ZNF678: variants seen among roughly 807,000 people sequenced by gnomAD.
The protein encoded by ZNF678 is hypothetical protein MGC42493.
In ZNF678, 5 loss-of-function variants were observed where a neutral mutation model predicts 3.0. The ratio of observed to expected loss-of-function variants is 1.69; its 90% CI spans 0.88 to 3.56. The LOEUF (loss-of-function observed/expected upper bound fraction) is 3.56. Ranked by LOEUF, ZNF678 falls within the 30% of genes most tolerant of loss-of-function variation. The probability of loss-of-function intolerance (pLI) is 0.00; values close to 1 mark genes in which losing one functional copy is unlikely to be tolerated. For missense variants in ZNF678, 593 were observed against 605.0 expected, an observed-to-expected ratio of 0.98 and a Z score of 0.21; for synonymous variants, 218 against 199.6, an observed-to-expected ratio of 1.09 and a Z score of -0.78.
At chr1:227,620,465 T>A (rs898851910) in intron 1 of ZNF678, among the ~76,000 whole-genome samples, 1 of 152,254 alleles carries the variant, frequency 6.6e-6, no homozygotes, top group Non-Finnish European at 1.5e-5. Context: ...CTTAAGGGAC[T>A]TGCGTTGTTT....
chr1:227,651,296 G>T (rs552130622), intron 3 of ZNF678, among the ~76,000 whole-genome samples: 7 of 152,076 alleles, frequency 4.6e-5, no homozygotes, highest in Non-Finnish European at 7.4e-5. Flanking sequence ...CAGACACTTG[G>T]CCTAATACCA....
In ZNF678 at chr1:227,638,642, C is replaced by T. The variant is rs369661860; in HGVS notation, c.-163-7902C>T. Reference sequence around the variant, plus strand: ...GAGGAGTAGAAGAAAGTTAGAAGTACCACAGGGGTCTAGGTGGATGTCTTG... The same window carrying T: ...GAGGAGTAGAAGAAAGTTAGAAGTATCACAGGGGTCTAGGTGGATGTCTTG... On this transcript the variant is annotated intron_variant, in intron 1 of 3. Coordinates refer to ENST00000343776, the MANE Select transcript of ZNF678 (RefSeq NM_001367909.1). This position sits in a 1 kb window ranked among gnomAD's most constrained non-coding sequence, Gnocchi z 4.2. 6.6e-6 allele frequency among the ~76,000 whole-genome samples: 1 copy of T among 151,930 alleles called. No homozygotes were observed. The highest frequency in any genetic ancestry group is 1.9e-4 in the East Asian group (1 of 5,176).
At chr1:227,595,176 T>C (rs1326599391) in intron 1 of ZNF678, among the ~76,000 whole-genome samples, 1 of 151,410 alleles carries the variant, frequency 6.6e-6, no homozygotes, top group African/African-American at 2.4e-5. Flanking sequence ...TCTTAGCTAC[T>C]TGTATATATC....
At chr1:227,585,368 C>T (rs1268016944) in intron 1 of ZNF678, among the ~76,000 whole-genome samples, 2 of 152,266 alleles carry the variant, frequency 1.3e-5, no homozygotes, top group East Asian at 1.9e-4. Flanking sequence ...TAATACATAT[C>T]TATGAACCTT....
Position 227,657,292 on chromosome 1 carries a change from G to A in ZNF678, c.*1464G>A, listed in dbSNP as rs1659275487. 6.6e-6 allele frequency: 1 copy of A among 151,852 alleles called. No homozygotes were observed. The highest frequency in any genetic ancestry group is 1.5e-5 in the Non-Finnish European group (1 of 67,888). The allele number at this position is 151,852 out of a possible 1,614,324, so 9.4% of individuals were successfully genotyped here. ...TTTATTATGCATAAAAGCTTCCTGA[G>A]GCCTCATCAGAAGTTAAGCAGATGT... On this transcript the variant is annotated 3_prime_UTR_variant, in exon 4 of 4. Coordinates refer to ENST00000343776, the MANE Select transcript of ZNF678 (RefSeq NM_001367909.1).
intron 1 of ZNF678, among the ~76,000 whole-genome samples, chr1:227,623,964 A>T (rs1163843617): frequency 3.3e-5 from 5 of 152,152 alleles, no homozygotes; most frequent in Non-Finnish European, 1.5e-5. Context: ...ATGTTTCCTA[A>T]CTTTTATTAA....
chr1:227,617,500 A>G (rs887600703), intron 1 of ZNF678, among the ~76,000 whole-genome samples: 4 of 152,200 alleles, frequency 2.6e-5, no homozygotes, highest in African/African-American at 9.6e-5. Flanking sequence ...CAATATGCCT[A>G]TACCACCCCA....
chr1:227,597,286 G>T lies in ZNF678; in HGVS notation c.-164+33562G>T, dbSNP rs1449743333. Among the ~76,000 whole-genome samples, 3 of 152,356 alleles carry T rather than the reference G, an allele frequency of 2.0e-5. No homozygotes were observed. In the East Asian group the frequency reaches 5.8e-4, roughly 29 times the overall value. ...TAAGAAGGCGTTTAAGTGGTTTTCT[G>T]CCCTGGGTGGGCCAGGTGTTCCTTG... On this transcript the variant is annotated intron_variant, in intron 1 of 3. Transcript: ENST00000343776.
intron 1 of ZNF678, among the ~76,000 whole-genome samples, chr1:227,611,082 C>T (rs970429526): frequency 1.3e-5 from 2 of 152,184 alleles, no homozygotes; most frequent in Non-Finnish European, 2.9e-5. Context: ...TAGAGAAATT[C>T]AGGTGCAGTT....
chr1:227,667,159 T>C (rs1051079335), downstream of ZNF678, among the ~76,000 whole-genome samples: 13 of 151,866 alleles, frequency 8.6e-5, no homozygotes, highest in Admixed American at 6.6e-5. Context: ...TCCTCCTTCC[T>C]CAGCCCCCCA....
In ZNF678 at chr1:227,661,425, T is replaced by C. The variant is rs1659403566; in HGVS notation, c.*5597T>C. 6.6e-6 allele frequency: 1 copy of C among 152,178 alleles called. No homozygotes were observed. The highest frequency in any genetic ancestry group is 2.4e-5 in the African/African-American group (1 of 41,444). 9.4% of individuals were successfully genotyped at this position (152,178 alleles called of 1,614,324 possible). ...TGCAAAAATGGACTTGTTTTTGATA[T>C]GCTTTTCCCAACAATAAGGGACATG... On this transcript the variant is annotated 3_prime_UTR_variant, in exon 4 of 4. Coordinates refer to ENST00000343776, the MANE Select transcript of ZNF678 (RefSeq NM_001367909.1).
At chr1:227,590,753 G>A (rs1290579980) in intron 1 of ZNF678, among the ~76,000 whole-genome samples, 2 of 151,716 alleles carry the variant, frequency 1.3e-5, no homozygotes, top group East Asian at 3.9e-4. Flanking sequence ...ATTATAGCCC[G>A]GTGGGGGCCG....
chr1:227,586,678 T>C (rs1050493512), intron 1 of ZNF678, among the ~76,000 whole-genome samples: 3 of 152,256 alleles, frequency 2.0e-5, no homozygotes, highest in African/African-American at 7.2e-5. Context: ...ATTTAAACTC[T>C]GCTTGCAAGC....
At chr1:227,613,199 T>C (rs1386848145) in intron 1 of ZNF678, among the ~76,000 whole-genome samples, 1 of 152,124 alleles carries the variant, frequency 6.6e-6, no homozygotes, top group Non-Finnish European at 1.5e-5. Context: ...CTACTCCTCA[T>C]CTCCATTCCC....
In ZNF678 at chr1:227,638,673, T is replaced by A. The variant is rs1439345402; in HGVS notation, c.-163-7871T>A. On this transcript the variant is annotated intron_variant, in intron 1 of 3. Coordinates refer to ENST00000343776, the MANE Select transcript of ZNF678 (RefSeq NM_001367909.1). The surrounding 1 kb of genome is among the most constrained non-coding windows in gnomAD (Gnocchi z 4.2). ...GGGTCTAGGTGGATGTCTTGGGTAC[T>A]ATGGGAAATGTGGAAGTAGGGAGTA... 2.6e-5 allele frequency among the ~76,000 whole-genome samples: 4 copies of A among 152,112 alleles called. No homozygotes were observed. Among genetic ancestry groups the A allele is most frequent in the African/African-American group, 9.7e-5 (4 of 41,412 alleles).
intron 1 of ZNF678, among the ~76,000 whole-genome samples, chr1:227,633,437 C>G (rs1658600849): frequency 6.6e-6 from 1 of 152,172 alleles, no homozygotes; most frequent in African/African-American, 2.4e-5. Context: ...CTCTTTACTA[C>G]CTGATTGGTC....
intron 5 of ZNF678, among the ~76,000 whole-genome samples, chr1:227,675,503 T>G (rs891096439): frequency 6.6e-6 from 1 of 152,246 alleles, no homozygotes; most frequent in East Asian, 1.9e-4. Flanking sequence ...AATGAACTAT[T>G]TCTAAATTCT....
At chr1:227,590,204 G>A (rs1388107051) in intron 1 of ZNF678, among the ~76,000 whole-genome samples, 5 of 151,720 alleles carry the variant, frequency 3.3e-5, no homozygotes, top group Non-Finnish European at 7.4e-5. Context: ...GGTCAAATCC[G>A]TGCCACACTT....
Position 227,655,811 on chromosome 1 carries a change from A to C in ZNF678, c.1561A>C (p.Lys521Gln). The change falls in exon 4 of 4, where the codon AAA (lysine) becomes CAA (glutamine). Residue 521 changes from lysine to glutamine, a missense_variant. Coordinates refer to ENST00000343776, the MANE Select transcript of ZNF678 (RefSeq NM_001367909.1). Reference sequence around the variant, plus strand: ...TGGAGAGGAACCTGACAAATGTAAAAAATGTGGCAGTCTTTAAAAACTGCT... The same window carrying C: ...TGGAGAGGAACCTGACAAATGTAAACAATGTGGCAGTCTTTAAAAACTGCT... Reference protein sequence around the residue: ...YTGEEPDKCKKCGSL With the variant: ...YTGEEPDKCKQCGSL 6.4e-7 allele frequency: 1 copy of C among 1,569,316 alleles called. No homozygotes were observed. The highest frequency in any genetic ancestry group is 2.2e-5 in the East Asian group (1 of 44,514).
Sources: allele counts gnomAD v4.1 joint callset (sites outside exome capture counted in the v4.1 genomes callset), GRCh38; gene constraint gnomAD v4.1.1; non-coding constraint Gnocchi (gnomAD v3.1); transcripts MANE v1.5; gene names NCBI Gene and HGNC (gene_info 2026-07-23, HGNC 2026-07-21).